The following PDE11A variants were observed in gnomAD, a reference collection of about 807,000 sequenced individuals.
PDE11A encodes phosphodiesterase 11A, also known as dual 3',5'-cyclic-AMP and -GMP phosphodiesterase 11A.
PDE11A carries 100 observed loss-of-function variants against 100.5 expected under a neutral mutation model. The ratio of observed to expected loss-of-function variants is 1.00; its 90% confidence interval spans 0.85 to 1.18. PDE11A has a LOEUF of 1.18. Ranked by LOEUF, PDE11A falls within the 50% of genes most tolerant of loss-of-function variation. The pLI is 0.00. For missense variants in PDE11A, 1,141 were observed against 1,152.6 expected (o/e 0.99, Z 0.15); for synonymous variants, 381 against 420.8 (o/e 0.91, Z 1.16).
At chr2:177,651,092 T>C (rs1279114702) in intron 19 of PDE11A, among the ~76,000 whole-genome samples, 1 of 152,200 alleles carries the variant, frequency 6.6e-6, no homozygotes, top group Admixed American at 6.5e-5. Flanking sequence ...AAGATCCTCA[T>C]AGCATCTAAC....
At chr2:177,955,422 G>C (rs2085549437) in intron 2 of PDE11A, among the ~76,000 whole-genome samples, 1 of 152,210 alleles carries the variant, frequency 6.6e-6, no homozygotes, top group Non-Finnish European at 1.5e-5. Context: ...CTGGTCATGA[G>C]TGATAAAAGA....
chr2:177,686,516 G>T (rs138997588), intron 15 of PDE11A, among the ~76,000 whole-genome samples: 4,471 of 152,152 alleles, frequency 0.029, 85 homozygotes, highest in Admixed American at 0.057. Context: ...GCAGTGAGCT[G>T]TGATCACACC....
chr2:177,872,630 T>C (rs910610904), intron 5 of PDE11A, among the ~76,000 whole-genome samples: 1 of 152,180 alleles, frequency 6.6e-6, no homozygotes, highest in Non-Finnish European at 1.5e-5. Flanking sequence ...GCCATAGAAA[T>C]TGTCTTCTAA....
At chr2:177,788,593 T>C (rs1387267639) in intron 9 of PDE11A, among the ~76,000 whole-genome samples, 4 of 151,670 alleles carry the variant, frequency 2.6e-5, no homozygotes, top group Middle Eastern at 3.4e-3. Flanking sequence ...AATTAATGAA[T>C]CCAGGAGCTG....
At chr2:178,049,034 A>C (rs2086788224) in intron 1 of PDE11A, among the ~76,000 whole-genome samples, 2 of 152,210 alleles carry the variant, frequency 1.3e-5, no homozygotes, top group Non-Finnish European at 2.9e-5. Context: ...AAGGGATAGC[A>C]TCTACTCTAC....
At chr2:178,015,664 T>C (rs1222839211) in intron 1 of PDE11A, among the ~76,000 whole-genome samples, 1 of 152,124 alleles carries the variant, frequency 6.6e-6, no homozygotes, top group Non-Finnish European at 1.5e-5. Context: ...AATGTCCTTA[T>C]TCTTAGGATA....
At chr2:177,872,791 A>G (rs941654532) in intron 5 of PDE11A, among the ~76,000 whole-genome samples, 1 of 152,144 alleles carries the variant, frequency 6.6e-6, no homozygotes, top group Non-Finnish European at 1.5e-5. Context: ...GCCCATTTCA[A>G]TGTCCCTTCC....
chr2:177,846,033 T>TGGGGAGAGGGAG (rs1465742367), intron 5 of PDE11A, among the ~76,000 whole-genome samples: 1 of 130,388 alleles, frequency 7.7e-6, no homozygotes, highest in Non-Finnish European at 1.7e-5. Context: ...GGGGAGACCG[T>TGGGGAGAGGGAG]GGGGAGAGGG....
rs949982983 is a variant in PDE11A, at chr2:177,788,713, AC to A, written c.1738-19341del. On this transcript the variant is annotated intron_variant, in intron 9 of 19. Transcript: ENST00000286063. The stretch of plus-strand genomic sequence containing the variant: ...AAAAAATGATAAAGGGGATATCACC[AC>A]CAATCCCACAGAAATTCAAACTACC... 5.1e-4 allele frequency among the ~76,000 whole-genome samples: 78 copies of A among 152,236 alleles called. 1 individual carries two copies. The highest frequency in any genetic ancestry group is 1.8e-3 in the African/African-American group (75 of 41,458).
chr2:177,855,925 C>G (rs2083825177), intron 5 of PDE11A, among the ~76,000 whole-genome samples: 2 of 151,186 alleles, frequency 1.3e-5, no homozygotes, highest in African/African-American at 4.9e-5. Context: ...CACACACACA[C>G]ACACACACAC....
chr2:177,780,956 C>T (rs1366966938), intron 9 of PDE11A, among the ~76,000 whole-genome samples: 5 of 152,148 alleles, frequency 3.3e-5, no homozygotes, highest in African/African-American at 1.2e-4. Context: ...TTTTAATTTC[C>T]TTCAAAAACT....
intron 2 of PDE11A, among the ~76,000 whole-genome samples, chr2:177,985,429 CT>C (rs1166841889): frequency 6.6e-6 from 1 of 152,106 alleles, no homozygotes; most frequent in African/African-American, 2.4e-5. Flanking sequence ...GTGATTTGAA[CT>C]AAAATTACAC....
chr2:177,631,664 T>TACAC (rs146201105), intron 19 of PDE11A, among the ~76,000 whole-genome samples: 1 of 131,318 alleles, frequency 7.6e-6, no homozygotes, highest in African/African-American at 3.0e-5. Flanking sequence ...TGTATATATA[T>TACAC]ACACATATAT....
chr2:177,762,890 T>C (rs2082188445), intron 10 of PDE11A, among the ~76,000 whole-genome samples: 1 of 152,170 alleles, frequency 6.6e-6, no homozygotes, highest in East Asian at 1.9e-4. Context: ...CCTCAATACC[T>C]AGCCGCTTAG....
At chr2:178,014,565 C>T (rs2086311327) in intron 1 of PDE11A, 105 bp from the exon 2 acceptor site, 2 of 848,696 alleles carry the variant, frequency 2.4e-6, no homozygotes, top group Admixed American at 2.0e-5. Flanking sequence ...GGGAACTAGC[C>T]CCATGAATTT....
upstream of PDE11A, among the ~76,000 whole-genome samples, chr2:178,074,056 A>C (rs1358314893): frequency 6.6e-6 from 1 of 152,254 alleles, no homozygotes; most frequent in Admixed American, 6.5e-5. Context: ...AATGGAATAA[A>C]GCACTGACAC....
At chr2:177,916,881 C>T (rs2084961117) in intron 2 of PDE11A, among the ~76,000 whole-genome samples, 1 of 151,522 alleles carries the variant, frequency 6.6e-6, no homozygotes, top group Non-Finnish European at 1.5e-5. Context: ...CTGGCTCAGC[C>T]TCCCGAGTAG....
At chr2:177,880,684 T>C (rs2084315595) in intron 4 of PDE11A, among the ~76,000 whole-genome samples, 1 of 152,194 alleles carries the variant, frequency 6.6e-6, no homozygotes, top group African/African-American at 2.4e-5. Flanking sequence ...TTGTAGACTA[T>C]GTTCCCTAAC....
At chr2:178,104,236 C>G in intron 2 of PDE11A, 1 of 1,454,190 alleles carries the variant, frequency 6.9e-7, no homozygotes. Context: ...TATTATAATG[C>G]CAAATCATAT....
Sources: gnomAD v4.1 joint callset for allele counts (sites outside exome capture counted in the v4.1 genomes callset) on GRCh38, gnomAD v4.1.1 for gene constraint, MANE v1.5 for transcripts, NCBI Gene and HGNC (gene_info 2026-07-23, HGNC 2026-07-21) for gene names.